Variants in PLCL1 observed in about 807,000 individuals in gnomAD.
The protein encoded by PLCL1 is inactive phospholipase C-like protein 1.
In PLCL1, 41 loss-of-function variants were observed where a neutral mutation model predicts 84.4. The ratio of observed to expected loss-of-function variants is 0.49; its 90% CI spans 0.38 to 0.63. PLCL1 has a LOEUF of 0.63. Among genes scored for constraint, PLCL1 ranks in the 30% least tolerant of loss-of-function variants. PLCL1 has a pLI of 0.00. For missense variants in PLCL1, 1,206 were observed against 1,367.8 expected, an observed-to-expected ratio of 0.88 and a Z score of 1.87; for synonymous variants, 490 against 488.3, an observed-to-expected ratio of 1.00 and a Z score of -0.05.
intron 3 of PLCL1, among the ~76,000 whole-genome samples, chr2:198,093,903 C>A (rs1237505707): frequency 6.6e-6 from 1 of 152,068 alleles, no homozygotes; most frequent in African/African-American, 2.4e-5. Context: ...ACCCTGAGTT[C>A]ATCTGCACAG....
chr2:198,007,676 C>A (rs1160247841), intron 1 of PLCL1, among the ~76,000 whole-genome samples: 1 of 152,056 alleles, frequency 6.6e-6, no homozygotes, highest in Non-Finnish European at 1.5e-5. Context: ...TCATCATAAA[C>A]CCTCTTCAAA....
chr2:197,805,115 G>A lies in PLCL1; in HGVS notation c.16G>A (p.Ala6Thr), dbSNP rs1157981086. 4 of 1,331,266 alleles carry A rather than the reference G, an allele frequency of 3.0e-6. No homozygotes were observed. The highest frequency in any genetic ancestry group is 3.1e-5 in the East Asian group (1 of 31,838). The allele number at this position is 1,331,266 out of a possible 1,614,324, so 82.5% of individuals were successfully genotyped here. ...GCTCCAGGCCATGGCCGAGGGCGCG[G>A]CCGGCAGGGAGGATCCGGCGCCGCC... is the stretch of plus-strand genomic sequence containing the variant. MAEGAAGREDPAPPDA... is the reference protein window; with the variant it reads MAEGATGREDPAPPDA... The change falls in exon 1 of 6, where the codon GCC (alanine) becomes ACC (threonine). Residue 6 changes from alanine (A) to threonine (T), a missense_variant. Transcript: ENST00000428675. The surrounding 1 kb of genome is among the most constrained non-coding windows in gnomAD (Gnocchi z 4.0).
At chr2:197,911,516 T>C (rs1688485297) in intron 1 of PLCL1, among the ~76,000 whole-genome samples, 1 of 152,180 alleles carries the variant, frequency 6.6e-6, no homozygotes, top group African/African-American at 2.4e-5. Context: ...GGTTTAAATA[T>C]TAATTAGAAC....
intron 1 of PLCL1, among the ~76,000 whole-genome samples, chr2:197,872,482 G>A (rs1477273094): frequency 6.6e-6 from 1 of 152,012 alleles, no homozygotes; most frequent in Non-Finnish European, 1.5e-5. Flanking sequence ...TCCCTTCCTT[G>A]GAGGCACTGT....
chr2:198,101,123 G>T (rs1457386012), intron 3 of PLCL1, among the ~76,000 whole-genome samples, 162 bp from the exon 4 acceptor site: 1 of 152,072 alleles, frequency 6.6e-6, no homozygotes, highest in South Asian at 2.1e-4. Context: ...TAGGATGGAT[G>T]GGGGTTGGAA....
At chr2:198,128,783 T>A (rs2105934326) in intron 5 of PLCL1, among the ~76,000 whole-genome samples, 1 of 152,306 alleles carries the variant, frequency 6.6e-6, no homozygotes, top group South Asian at 2.1e-4. Context: ...TTTTAAACCA[T>A]AAACTATAAG....
intron 1 of PLCL1, among the ~76,000 whole-genome samples, chr2:197,865,420 T>C: frequency 6.6e-6 from 1 of 152,112 alleles, no homozygotes; most frequent in East Asian, 1.9e-4. Flanking sequence ...TTGTTAGAAA[T>C]TTGGAAAATA....
intron 1 of PLCL1, among the ~76,000 whole-genome samples, chr2:198,014,352 A>T (rs1690941571): frequency 6.6e-6 from 1 of 152,048 alleles, no homozygotes; most frequent in African/African-American, 2.4e-5. Flanking sequence ...TCAAATACAA[A>T]TTCCTCCATT....
At chr2:198,015,707 T>C (rs113873160) in intron 1 of PLCL1, among the ~76,000 whole-genome samples, 4 of 152,088 alleles carry the variant, frequency 2.6e-5, no homozygotes, top group African/African-American at 7.2e-5. Flanking sequence ...TATACTTACA[T>C]ATGTGATATG....
intron 1 of PLCL1, among the ~76,000 whole-genome samples, chr2:197,894,591 A>G (rs1688097103): frequency 1.3e-5 from 2 of 151,962 alleles, no homozygotes; most frequent in South Asian, 2.1e-4. Flanking sequence ...TTATGCATGC[A>G]TGTAAATTAG....
intron 1 of PLCL1, among the ~76,000 whole-genome samples, chr2:197,817,574 C>T (rs1237181686): frequency 6.6e-6 from 1 of 152,084 alleles, no homozygotes; most frequent in African/African-American, 2.4e-5. Context: ...GTCCCCATGC[C>T]TGGTTTAGGT....
intron 5 of PLCL1, among the ~76,000 whole-genome samples, chr2:198,106,492 G>A (rs1693477661): frequency 6.6e-6 from 1 of 151,850 alleles, no homozygotes; most frequent in African/African-American, 2.4e-5. Flanking sequence ...ACCTAGAGCT[G>A]TAGTGTTAAA....
rs1166223869 is a variant in PLCL1, at chr2:198,084,737, A to G, written c.1220A>G (p.Tyr407Cys). The change falls in exon 2 of 6, where the codon TAC becomes TGC. Residue 407 changes from tyrosine (Y) to cysteine (C), a missense_variant. Transcript: ENST00000428675. ...AQDMTQPLSH[Y>C]YINASHNTYL... Reference sequence around the variant, plus strand: ...GATATGACCCAGCCATTATCTCACTACTATATCAATGCCTCTCATAACACC... The same window carrying G: ...GATATGACCCAGCCATTATCTCACTGCTATATCAATGCCTCTCATAACACC... 1 of 1,613,974 alleles carries G rather than the reference A, an allele frequency of 6.2e-7. No homozygotes were observed. The highest frequency in any genetic ancestry group is 8.5e-7 in the Non-Finnish European group (1 of 1,179,986).
chr2:198,146,805 C>A lies in PLCL1; in HGVS notation c.3131C>A (p.Ala1044Asp). The change falls in exon 6 of 6, where the codon GCC (alanine) becomes GAC (aspartate). Residue 1044 changes from alanine to aspartate, a missense_variant. Ala to Asp is a moderately radical substitution (Grantham distance 126). Transcript: ENST00000428675. ...GGCCAAGGAGATCTGTTGAAGAATG[C>A]CAAGAATGAAGCTATAGAAAACATG... is the stretch of plus-strand genomic sequence containing the variant. ...LKGQGDLLKN[A>D]KNEAIENMKQ... 6.2e-7 allele frequency: 1 copy of A among 1,612,544 alleles called. No homozygotes were observed. Among genetic ancestry groups the A allele is most frequent in the Non-Finnish European group, 8.5e-7 (1 of 1,179,318 alleles).
chr2:198,135,431 G>T (rs1218078931), intron 5 of PLCL1, among the ~76,000 whole-genome samples: 1 of 152,152 alleles, frequency 6.6e-6, no homozygotes, highest in Non-Finnish European at 1.5e-5. Context: ...TAATGGGAAG[G>T]AAAGAGCAGA....
chr2:197,876,996 T>C (rs1396262933), intron 1 of PLCL1, among the ~76,000 whole-genome samples: 2 of 152,184 alleles, frequency 1.3e-5, no homozygotes, highest in Non-Finnish European at 2.9e-5. Context: ...TTTTCAGATA[T>C]GATGTGTGCA....
chr2:197,976,892 G>A (rs1057342684), intron 1 of PLCL1, among the ~76,000 whole-genome samples: 2 of 152,056 alleles, frequency 1.3e-5, no homozygotes, highest in Admixed American at 6.5e-5. Context: ...ATCTTCTCTT[G>A]GGCTGAATCT....
chr2:198,059,506 G>A (rs752217558), intron 1 of PLCL1, among the ~76,000 whole-genome samples: 8 of 152,092 alleles, frequency 5.3e-5, no homozygotes, highest in Non-Finnish European at 8.8e-5. Context: ...TTTTACTTAG[G>A]CAAGGCATTT....
chr2:198,101,176 T>C (rs1693323038), intron 3 of PLCL1, 109 bp from the exon 4 acceptor site: 3 of 712,290 alleles, frequency 4.2e-6, no homozygotes, highest in African/African-American at 1.8e-5. Flanking sequence ...GGTGAGACTA[T>C]GGCTTACTTT....
Sources: allele counts gnomAD v4.1 joint callset (sites outside exome capture counted in the v4.1 genomes callset), GRCh38; gene constraint gnomAD v4.1.1; non-coding constraint Gnocchi (gnomAD v3.1); transcripts MANE v1.5; gene names NCBI Gene and HGNC (gene_info 2026-07-23, HGNC 2026-07-21).